Variants in ARK2N observed in about 807,000 individuals in gnomAD.
ARK2N encodes arkadia (RNF111) N-terminal like PKA signaling regulator 2N.
chr18:46,183,755 G>C, the ARK2N span, among the ~76,000 whole-genome samples: 1 of 152,036 alleles, frequency 6.6e-6, no homozygotes, highest in African/African-American at 2.4e-5. Context: ...CTATGCTGCA[G>C]CTTCTTGGTG....
the ARK2N span, among the ~76,000 whole-genome samples, chr18:46,239,467 T>C: frequency 6.6e-6 from 1 of 152,242 alleles, no homozygotes; most frequent in East Asian, 1.9e-4. Context: ...AAAAGGACTT[T>C]ACTGGAAATA....
the ARK2N span, among the ~76,000 whole-genome samples, chr18:46,193,255 C>G: frequency 6.6e-6 from 1 of 152,090 alleles, no homozygotes; most frequent in Non-Finnish European, 1.5e-5. Context: ...ACAGCATTGG[C>G]AGTATTGGTT....
the ARK2N span, among the ~76,000 whole-genome samples, chr18:46,229,468 C>T: frequency 8.4e-3 from 1,265 of 151,290 alleles, 52 homozygotes; most frequent in East Asian, 0.12. Flanking sequence ...CTGCCTCAGC[C>T]TCCTGAGTAG....
At chr18:46,263,773 T>G in the ARK2N span, 152,752 of 152,752 alleles carry the variant, frequency 1, 76,376 homozygotes, top group Non-Finnish European at 1. Flanking sequence ...GACCTAGTTG[T>G]TCTCCTTGTT....
chr18:46,240,608 C>T, the ARK2N span, among the ~76,000 whole-genome samples: 36 of 152,290 alleles, frequency 2.4e-4, no homozygotes, highest in African/African-American at 7.5e-4. Flanking sequence ...TCATACACAG[C>T]GCTGCCGCTG....
the ARK2N span, among the ~76,000 whole-genome samples, chr18:46,194,257 G>T: frequency 6.6e-6 from 1 of 150,532 alleles, no homozygotes; most frequent in Non-Finnish European, 1.5e-5. Context: ...TGGCCCTCTG[G>T]TTTCTTTTGA....
the ARK2N span, among the ~76,000 whole-genome samples, chr18:46,220,234 T>G: frequency 6.6e-6 from 1 of 152,154 alleles, no homozygotes; most frequent in African/African-American, 2.4e-5. Flanking sequence ...GAGAATGTCA[T>G]TGAGGCTACT....
the ARK2N span, among the ~76,000 whole-genome samples, chr18:46,214,478 T>C: frequency 2.4e-3 from 365 of 152,360 alleles, 6 homozygotes; most frequent in Non-Finnish European, 4.3e-4. Flanking sequence ...TGCTGGTCTT[T>C]GAATGATGTC....
At chr18:46,255,453 T>TC in the ARK2N span, among the ~76,000 whole-genome samples, 78 of 129,376 alleles carry the variant, frequency 6.0e-4, no homozygotes, top group African/African-American at 1.6e-3. Context: ...TTCTTTTTTT[T>TC]TTTTTTTTTT....
chr18:46,193,435 A>G, the ARK2N span, among the ~76,000 whole-genome samples: 38 of 151,380 alleles, frequency 2.5e-4, no homozygotes, highest in South Asian at 7.1e-3. Context: ...GATTACAGGC[A>G]TGTGTCAGCA....
At chr18:46,255,396 T>C in the ARK2N span, among the ~76,000 whole-genome samples, 1 of 151,598 alleles carries the variant, frequency 6.6e-6, no homozygotes, top group African/African-American at 2.4e-5. Context: ...GCTTCAGTTT[T>C]TCTTTTTCTT....
the ARK2N span, among the ~76,000 whole-genome samples, chr18:46,221,369 A>T: frequency 6.6e-6 from 1 of 150,936 alleles, no homozygotes; most frequent in Non-Finnish European, 1.5e-5. Flanking sequence ...AACATGGTGA[A>T]ACCCCATCTC....
the ARK2N span, among the ~76,000 whole-genome samples, chr18:46,209,123 A>G: frequency 6.6e-6 from 1 of 152,150 alleles, no homozygotes. Context: ...AAAGGTGGGC[A>G]GGGGTTTTGA....
At chr18:46,189,979 C>T in the ARK2N span, among the ~76,000 whole-genome samples, 6 of 146,444 alleles carry the variant, frequency 4.1e-5, no homozygotes, top group Non-Finnish European at 7.6e-5. Flanking sequence ...ACTTGTGTAG[C>T]ACGATCTAGT....
At chr18:46,249,675 G>C in the ARK2N span, among the ~76,000 whole-genome samples, 1 of 152,172 alleles carries the variant, frequency 6.6e-6, no homozygotes, top group Non-Finnish European at 1.5e-5. Context: ...TTTGGAATAT[G>C]AACAGGTCTC....
chr18:46,252,325 G>A, the ARK2N span, among the ~76,000 whole-genome samples: 1 of 151,838 alleles, frequency 6.6e-6, no homozygotes, highest in East Asian at 1.9e-4. Context: ...CCTGGCTCCT[G>A]GAGTGCAGTG....
the ARK2N span, among the ~76,000 whole-genome samples, chr18:46,181,862 CCT>C: frequency 4.9e-3 from 753 of 152,298 alleles, 10 homozygotes; most frequent in African/African-American, 0.017. Context: ...CCCATTTCAG[CCT>C]CTCATAGTGC....
chr18:46,234,788 C>A, the ARK2N span, among the ~76,000 whole-genome samples: 3 of 152,154 alleles, frequency 2.0e-5, no homozygotes, highest in Admixed American at 6.5e-5. Flanking sequence ...CAGAACCGGG[C>A]CTAGGCCATC....
At chr18:46,253,646 G>A in the ARK2N span, 1 of 1,576,790 alleles carries the variant, frequency 6.3e-7, no homozygotes, top group South Asian at 1.2e-5. Context: ...TCCACTGTTT[G>A]TGAGGAATAA....
Sources: gnomAD v4.1 joint callset for allele counts (sites outside exome capture counted in the v4.1 genomes callset) on GRCh38, gnomAD v4.1.1 for gene constraint, MANE v1.5 for transcripts, NCBI Gene and HGNC (gene_info 2026-07-23, HGNC 2026-07-21) for gene names.